The following VWA5B1 variants were observed in gnomAD, a reference collection of about 807,000 sequenced individuals.
The protein encoded by VWA5B1 is von Willebrand factor A domain-containing protein 5B1.
In VWA5B1, 115 loss-of-function variants were observed where a neutral mutation model predicts 118.2. The observed-to-expected ratio is 0.97, with a 90% CI of 0.84 to 1.14. The LOEUF (loss-of-function observed/expected upper bound fraction) is 1.14. VWA5B1 is among the 50% of genes most tolerant of loss of function. The pLI is 0.00. For synonymous variants in VWA5B1, 682 were observed against 658.4 expected (o/e 1.04, Z -0.55); for missense variants, 1,596 against 1,603.8 (o/e 1.00, Z 0.08).
At chr1:20,291,655 G>C (rs2088308114) in intron 1 of VWA5B1, among the ~76,000 whole-genome samples, 1 of 152,062 alleles carries the variant, frequency 6.6e-6, no homozygotes, top group Non-Finnish European at 1.5e-5. Context: ...TCTGCAGGGT[G>C]CCCACCCCGG....
chr1:20,294,049 C>G (rs1451307717), intron 1 of VWA5B1, among the ~76,000 whole-genome samples: 1 of 152,212 alleles, frequency 6.6e-6, no homozygotes, highest in East Asian at 1.9e-4. Context: ...CATTGGATCA[C>G]TGGGCACCCA....
chr1:20,344,477 A>G (rs2089967369), intron 16 of VWA5B1, among the ~76,000 whole-genome samples: 1 of 152,240 alleles, frequency 6.6e-6, no homozygotes, highest in Non-Finnish European at 1.5e-5. Context: ...GTGCTTGACA[A>G]ACTAGCAGGG....
chr1:20,315,311 C>T (rs867112463), intron 4 of VWA5B1, among the ~76,000 whole-genome samples: 23 of 152,202 alleles, frequency 1.5e-4, no homozygotes, highest in African/African-American at 5.5e-4. Flanking sequence ...ATTGGATGCC[C>T]TTTGGCCCTG....
In VWA5B1 at chr1:20,349,232, C is replaced by G. The variant is rs954788695; in HGVS notation, c.2878+874C>G. 5 of 443,766 alleles carry G rather than the reference C, an allele frequency of 1.1e-5. No individual in the cohort carries two copies. In the Admixed American group the frequency reaches 1.2e-4, roughly 11 times the overall value. The allele number at this position is 443,766 out of a possible 1,614,324, so 27.5% of individuals were successfully genotyped here. A position where few individuals can be genotyped will look rare whatever the true frequency, so the allele number is the denominator to read the frequency against. ...CTCAACTTCTTGGTCCCATTGGCCTCCAAAACCCAGGAGAACCAGCTCCAC... is the reference window on the plus strand; with the variant it reads ...CTCAACTTCTTGGTCCCATTGGCCTGCAAAACCCAGGAGAACCAGCTCCAC... On this transcript the variant is annotated intron_variant, in intron 18 of 21. Coordinates refer to ENST00000289815, the MANE Select transcript of VWA5B1 (RefSeq NM_001039500.3).
Position 20,337,705 on chromosome 1 carries a change from C to A in VWA5B1, c.2002C>A (p.Pro668Thr). The A allele has an allele frequency of 6.4e-7, 1 of 1,551,728 alleles. No individual in the cohort carries two copies. The highest frequency in any genetic ancestry group is 8.7e-7 in the Non-Finnish European group (1 of 1,147,006). Reference protein sequence around the residue: ...YSTNQITNHKPLPRATMASDP... With the variant: ...YSTNQITNHKTLPRATMASDP... ...CACCAACCAGATCACCAATCACAAG[C>A]CCCTCCCAAGAGCCACCATGGCAAG... is the stretch of plus-strand genomic sequence containing the variant. Residue 668 changes from proline to threonine, a missense_variant, in exon 14 of 22, where the codon CCC becomes ACC. Coordinates refer to ENST00000289815, the MANE Select transcript of VWA5B1 (RefSeq NM_001039500.3).
In VWA5B1 at chr1:20,355,253, G is replaced by C. The variant is rs2090209423; in HGVS notation, c.*990G>C. ...AGAGGCTTGGCTGCAGTGCCTTTGG[G>C]GATGGCAGCTCTGGCCAGGGGAGGC... On this transcript the variant is annotated 3_prime_UTR_variant, in exon 22 of 22. Transcript: ENST00000289815. Among the ~76,000 whole-genome samples the C allele has an allele frequency of 6.6e-6, 1 of 152,188 alleles. No individual in the cohort carries two copies. The highest frequency in any genetic ancestry group is 2.4e-5 in the African/African-American group (1 of 41,444).
intron 1 of VWA5B1, among the ~76,000 whole-genome samples, chr1:20,309,061 C>T (rs1392142579): frequency 6.6e-6 from 1 of 152,104 alleles, no homozygotes; most frequent in Non-Finnish European, 1.5e-5. Flanking sequence ...ATTACTTGGG[C>T]GAGGGTCTTG....
chr1:20,317,765 A>ATCC, intron 5 of VWA5B1, 90 bp downstream of exon 5: 5 of 1,431,406 alleles, frequency 3.5e-6, no homozygotes, highest in Non-Finnish European at 4.6e-6. Flanking sequence ...AAGGAAAGCC[A>ATCC]ACTGGCCCAG....
intron 4 of VWA5B1, among the ~76,000 whole-genome samples, chr1:20,315,065 A>G (rs2088963640): frequency 1.3e-5 from 2 of 152,244 alleles, no homozygotes; most frequent in Middle Eastern, 3.2e-3. Flanking sequence ...ACAAGGAAGG[A>G]GAAGTTCATT....
At chr1:20,341,089 T>C (rs781325477) in intron 14 of VWA5B1, among the ~76,000 whole-genome samples, 5 of 152,368 alleles carry the variant, frequency 3.3e-5, no homozygotes, top group Non-Finnish European at 1.5e-5. Context: ...ATAAGTTTTA[T>C]CTTGGACGTC....
At chr1:20,307,964 T>C (rs1233477092) in intron 1 of VWA5B1, among the ~76,000 whole-genome samples, 1 of 152,116 alleles carries the variant, frequency 6.6e-6, no homozygotes, top group Non-Finnish European at 1.5e-5. Flanking sequence ...GGGGTGCCAC[T>C]GATCCCGTCA....
intron 4 of VWA5B1, among the ~76,000 whole-genome samples, chr1:20,317,307 G>A (rs777440880): frequency 1.3e-5 from 2 of 152,134 alleles, no homozygotes; most frequent in Non-Finnish European, 2.9e-5. Flanking sequence ...CGGGAGCACC[G>A]TGCCTGGTGC....
At chr1:20,298,502 A>G (rs1018681956) in intron 1 of VWA5B1, among the ~76,000 whole-genome samples, 1 of 151,970 alleles carries the variant, frequency 6.6e-6, no homozygotes, top group Non-Finnish European at 1.5e-5. Flanking sequence ...CTTCCCCTAC[A>G]CAGGGCAAAG....
At chr1:20,330,611 C>T (rs1005525820) in intron 10 of VWA5B1, among the ~76,000 whole-genome samples, 1 of 152,212 alleles carries the variant, frequency 6.6e-6, no homozygotes, top group African/African-American at 2.4e-5. Context: ...CAAGAGAAGC[C>T]CAGGGAGAGG....
rs542177831 is a variant in VWA5B1, at chr1:20,327,920, A to C, written c.1174A>C (p.Met392Leu). 5.2e-6 allele frequency: 8 copies of C among 1,551,626 alleles called. No individual in the cohort carries two copies. The highest frequency in any genetic ancestry group is 6.1e-6 in the Non-Finnish European group (7 of 1,146,988). The change falls in exon 9 of 22, where the codon ATG becomes CTG. Residue 392 changes from methionine to leucine, a missense_variant. Coordinates refer to ENST00000289815, the MANE Select transcript of VWA5B1 (RefSeq NM_001039500.3). ...DAMLVALKSL[M>L]PACLFNIIGF... ...CATGTTGGTGGCCCTTAAGAGCCTC[A>C]TGCCAGCCTGCCTCTTCAATATCAT... is the stretch of plus-strand genomic sequence containing the variant.
intron 11 of VWA5B1, among the ~76,000 whole-genome samples, chr1:20,331,610 G>T (rs1309470568): frequency 7.9e-5 from 12 of 152,094 alleles, no homozygotes; most frequent in Admixed American, 7.9e-4. Context: ...GTGATGCCCT[G>T]GCAGGGTCTC....
At chr1:20,306,976 T>TC (rs1456257671) in intron 1 of VWA5B1, among the ~76,000 whole-genome samples, 2 of 152,106 alleles carry the variant, frequency 1.3e-5, no homozygotes, top group African/African-American at 4.8e-5. Context: ...CCCTTGTTCT[T>TC]TAAGGCCCTC....
rs1479435787 is a variant in VWA5B1 at position 20,356,868 on chromosome 1, C to T, written c.*2605C>T. 6.6e-6 allele frequency among the ~76,000 whole-genome samples: 1 copy of T among 152,188 alleles called. No individual in the cohort carries two copies. The highest frequency in any genetic ancestry group is 1.5e-5 in the Non-Finnish European group (1 of 68,042). ...CAGTGGTATTGAGATGACATGCAGC[C>T]TCAAAAACGTGCTACCGGGACTGCT... On this transcript the variant is annotated 3_prime_UTR_variant, in exon 22 of 22. Coordinates refer to ENST00000289815, the MANE Select transcript of VWA5B1 (RefSeq NM_001039500.3).
At chr1:20,292,095 TTTTC>T (rs2088319354) in intron 1 of VWA5B1, among the ~76,000 whole-genome samples, 1 of 152,170 alleles carries the variant, frequency 6.6e-6, no homozygotes, top group Admixed American at 6.5e-5. Flanking sequence ...TTTTTTCTTT[TTTTC>T]TTTTTCTTTC....
Sources: allele counts gnomAD v4.1 joint callset (sites outside exome capture counted in the v4.1 genomes callset), GRCh38; gene constraint gnomAD v4.1.1; transcripts MANE v1.5; gene names NCBI Gene and HGNC (gene_info 2026-07-23, HGNC 2026-07-21).